DNAAF11: variants seen among roughly 807,000 people sequenced by gnomAD.
DNAAF11 encodes leucine rich repeat containing 6.
In DNAAF11, 45 loss-of-function variants were observed where a neutral mutation model predicts 60.8. The ratio of observed to expected loss-of-function variants is 0.74; its 90% confidence interval spans 0.58 to 0.95. The LOEUF (loss-of-function observed/expected upper bound fraction) is 0.95. Among genes scored for constraint, DNAAF11 ranks in the 40% least tolerant of loss-of-function variants. The probability of loss-of-function intolerance (pLI) is 0.00; values close to 1 mark genes in which losing one functional copy is unlikely to be tolerated. For missense variants in DNAAF11, 546 were observed against 546.2 expected, an observed-to-expected ratio of 1.00 and a Z score of 0.00; for synonymous variants, 191 against 183.5, an observed-to-expected ratio of 1.04 and a Z score of -0.33.
chr8:132,639,602 C>T (rs1195450739), intron 3 of DNAAF11, among the ~76,000 whole-genome samples: 1 of 152,068 alleles, frequency 6.6e-6, no homozygotes, highest in Admixed American at 6.6e-5. Context: ...ATAATGGAAC[C>T]AACTTCACTA....
At chr8:132,606,872 C>T (rs1318777314) in intron 10 of DNAAF11, among the ~76,000 whole-genome samples, 1 of 152,078 alleles carries the variant, frequency 6.6e-6, no homozygotes, top group Non-Finnish European at 1.5e-5. Flanking sequence ...TTTTGTATAG[C>T]TGTATAATGT....
intron 11 of DNAAF11, among the ~76,000 whole-genome samples, chr8:132,576,502 A>C (rs551187201): frequency 2.9e-4 from 44 of 152,180 alleles, no homozygotes; most frequent in Non-Finnish European, 5.7e-4. Context: ...GATTTGACTG[A>C]CCAAATTGAC....
intron 3 of DNAAF11, among the ~76,000 whole-genome samples, chr8:132,652,276 T>A (rs921894667): frequency 1.5e-4 from 23 of 152,102 alleles, no homozygotes; most frequent in African/African-American, 7.2e-5. Context: ...AAGCAGAACC[T>A]CACAACTGCA....
At chr8:132,675,710 GT>G (rs1825733839), upstream of DNAAF11, 3 of 437,686 alleles carry the variant, frequency 6.9e-6, no homozygotes, top group Non-Finnish European at 8.2e-6. Context: ...GCAGACAGGG[GT>G]TCCCCAACCC....
chr8:132,683,987 G>A, the DNAAF11 span, among the ~76,000 whole-genome samples: 2 of 152,222 alleles, frequency 1.3e-5, no homozygotes, highest in Admixed American at 6.5e-5. Flanking sequence ...ATCCTGGCCA[G>A]ACTGTTTTAC....
chr8:132,689,629 C>T, the DNAAF11 span, among the ~76,000 whole-genome samples: 2 of 151,904 alleles, frequency 1.3e-5, no homozygotes, highest in African/African-American at 4.8e-5. Context: ...TTAAAATATA[C>T]TATGACCATT....
chr8:132,675,699 A>C (rs1825732625), upstream of DNAAF11: 1 of 456,872 alleles, frequency 2.2e-6, no homozygotes, highest in African/African-American at 2.0e-5. Context: ...GAAGGGGCTC[A>C]GCAGACAGGG....
chr8:132,625,498 T>C (rs1820170812), intron 5 of DNAAF11, 44 bp from the exon 6 acceptor site: 8 of 1,436,772 alleles, frequency 5.6e-6, no homozygotes, highest in Non-Finnish European at 6.7e-6. Flanking sequence ...AATGGATTCA[T>C]GAGCTTCATC....
chr8:132,635,501 C>T (rs1370443539), intron 4 of DNAAF11, among the ~76,000 whole-genome samples: 1 of 152,124 alleles, frequency 6.6e-6, no homozygotes, highest in Admixed American at 6.5e-5. Flanking sequence ...ACTGCAGGGC[C>T]CACCTACTTC....
intron 11 of DNAAF11, among the ~76,000 whole-genome samples, chr8:132,583,422 C>G (rs1815539155): frequency 6.6e-6 from 1 of 152,144 alleles, no homozygotes; most frequent in Non-Finnish European, 1.5e-5. Context: ...GAAGCAAGCA[C>G]TTGGTAAATG....
intron 10 of DNAAF11, among the ~76,000 whole-genome samples, chr8:132,593,657 G>A (rs908348464): frequency 6.6e-6 from 1 of 151,734 alleles, no homozygotes; most frequent in African/African-American, 2.4e-5. Flanking sequence ...AGCCTTGAAG[G>A]TTTATTATAA....
rs896660833 is a variant in DNAAF11 at position 132,604,247 on chromosome 8, T to C, written c.1140+5919A>G. On this transcript the variant is annotated intron_variant, in intron 10 of 11. Transcript: ENST00000620350. Reference sequence around the variant, plus strand: ...TGTGTTGGGTATATCACCAGTATATTTGAGCAGAGAAAAAGTGGAATGTGT... The same window carrying C: ...TGTGTTGGGTATATCACCAGTATATCTGAGCAGAGAAAAAGTGGAATGTGT... Among the ~76,000 whole-genome samples the C allele has an allele frequency of 8.5e-5, 13 of 152,168 alleles. No individual in the cohort carries two copies. The East Asian group carries it at 1.2e-3, about 14-fold the overall frequency.
chr8:132,669,788 T>C (rs575784352), intron 1 of DNAAF11, among the ~76,000 whole-genome samples: 1 of 151,550 alleles, frequency 6.6e-6, no homozygotes, highest in Admixed American at 6.6e-5. Flanking sequence ...CATAAGGAAA[T>C]AAAAAGGAAA....
chr8:132,668,541 C>T (rs1351131247), intron 1 of DNAAF11, among the ~76,000 whole-genome samples: 1 of 152,078 alleles, frequency 6.6e-6, no homozygotes, highest in East Asian at 1.9e-4. Context: ...CGGGTTCACG[C>T]CATTCTCCTG....
chr8:132,650,998 C>T (rs1265288564), intron 3 of DNAAF11, among the ~76,000 whole-genome samples: 4 of 152,190 alleles, frequency 2.6e-5, no homozygotes, highest in Admixed American at 6.5e-5. Context: ...CAAATATGAA[C>T]AATTCTTGCC....
At chr8:132,688,226 A>G in the DNAAF11 span, among the ~76,000 whole-genome samples, 1 of 152,182 alleles carries the variant, frequency 6.6e-6, no homozygotes, top group Non-Finnish European at 1.5e-5. Context: ...CATTCAAACC[A>G]CAGCAATTTC....
At chr8:132,626,549 A>G (rs1820303638) in intron 5 of DNAAF11, among the ~76,000 whole-genome samples, 1 of 152,210 alleles carries the variant, frequency 6.6e-6, no homozygotes, top group Non-Finnish European at 1.5e-5. Flanking sequence ...GATCCAAAAT[A>G]TATTTATTTA....
chr8:132,650,930 G>C (rs965148316), intron 3 of DNAAF11, among the ~76,000 whole-genome samples: 1 of 152,170 alleles, frequency 6.6e-6, no homozygotes, highest in African/African-American at 2.4e-5. Context: ...TTTTCAAAGT[G>C]TCAAATCTTA....
At chr8:132,671,829 A>G (rs1825214731) in intron 1 of DNAAF11, among the ~76,000 whole-genome samples, 1 of 151,974 alleles carries the variant, frequency 6.6e-6, no homozygotes, top group African/African-American at 2.4e-5. Context: ...AAACACACAC[A>G]ACAACAATGT....
Sources: gnomAD v4.1 joint callset for allele counts (sites outside exome capture counted in the v4.1 genomes callset) on GRCh38, gnomAD v4.1.1 for gene constraint, MANE v1.5 for transcripts, NCBI Gene and HGNC (gene_info 2026-07-23, HGNC 2026-07-21) for gene names.